The following FARS2 variants were observed in gnomAD, a reference collection of about 807,000 sequenced individuals.
FARS2 encodes the protein phenylalanyl-tRNA synthetase 2, mitochondrial.
Under a neutral mutation model 46.4 loss-of-function variants are expected in FARS2, and 40 were observed. That is an observed-to-expected ratio of 0.86 (90% CI 0.67 to 1.12). The LOEUF is 1.12. Ranked by LOEUF, FARS2 falls within the 50% of genes most tolerant of loss-of-function variation. The pLI is 0.00. For synonymous variants in FARS2, 234 were observed against 214.9 expected, an observed-to-expected ratio of 1.09 and a Z score of -0.78; for missense variants, 513 against 567.9, an observed-to-expected ratio of 0.90 and a Z score of 0.98.
At chr6:5,680,206 G>A (rs531919924) in intron 6 of FARS2, among the ~76,000 whole-genome samples, 9 of 152,192 alleles carry the variant, frequency 5.9e-5, no homozygotes, top group East Asian at 1.9e-4. Flanking sequence ...GTGCTTGGAC[G>A]TTGTGTGAAT....
chr6:5,379,160 C>T (rs745348865), intron 2 of FARS2, among the ~76,000 whole-genome samples: 10 of 152,152 alleles, frequency 6.6e-5, no homozygotes, highest in Non-Finnish European at 1.0e-4. Context: ...GGGTGCCACT[C>T]TATCTCTTTT....
At chr6:5,707,765 C>T (rs1235083827) in intron 6 of FARS2, among the ~76,000 whole-genome samples, 1 of 152,220 alleles carries the variant, frequency 6.6e-6, no homozygotes, top group Non-Finnish European at 1.5e-5. Context: ...ACGTGTCCAT[C>T]CCCGGCGCAC....
intron 6 of FARS2, among the ~76,000 whole-genome samples, chr6:5,660,778 TA>T: frequency 6.6e-6 from 1 of 151,940 alleles, no homozygotes; most frequent in Non-Finnish European, 1.5e-5. Context: ...AAAAGAAATC[TA>T]TGGATCAGAG....
intron 4 of FARS2, among the ~76,000 whole-genome samples, chr6:5,515,068 G>A (rs576948353): frequency 1.3e-5 from 2 of 152,094 alleles, no homozygotes; most frequent in Admixed American, 6.5e-5. Flanking sequence ...AAGCCTTCAA[G>A]CGAAACTCCA....
At chr6:5,513,627 T>C (rs952132200) in intron 4 of FARS2, among the ~76,000 whole-genome samples, 3 of 152,234 alleles carry the variant, frequency 2.0e-5, no homozygotes, top group African/African-American at 7.2e-5. Context: ...CCTTGTGGCC[T>C]TCTGTTCCTG....
At chr6:5,434,942 A>T (rs907072485) in intron 4 of FARS2, among the ~76,000 whole-genome samples, 1 of 152,230 alleles carries the variant, frequency 6.6e-6, no homozygotes, top group Admixed American at 6.5e-5. Flanking sequence ...ATAGTGGCAG[A>T]CATCAGTTGA....
At position 5,432,322 on chromosome 6, in the gene FARS2, AAAAAAAT is replaced by A. The variant is rs1311163703; in HGVS notation, c.904+1152_904+1158del. Among the ~76,000 whole-genome samples the A allele has an allele frequency of 8.5e-3, 337 of 39,532 alleles. 1 individual carries two copies. Among genetic ancestry groups the A allele is most frequent in the African/African-American group, 0.022 (327 of 14,622 alleles). 25.9% of individuals were successfully genotyped at this position (39,532 alleles called of 152,430 possible). ...AGAGCAACACTCAGTCTTAAAAAAAAAAAAAATATATATATATATATATATATATTAT... is the reference window on the plus strand; with the variant it reads ...AGAGCAACACTCAGTCTTAAAAAAAAATATATATATATATATATATATTAT... On this transcript the variant is annotated intron_variant, in intron 4 of 6. Transcript: ENST00000274680.
intron 6 of FARS2, among the ~76,000 whole-genome samples, chr6:5,711,338 C>A (rs1013475146): frequency 2.0e-5 from 3 of 152,236 alleles, no homozygotes; most frequent in Non-Finnish European, 2.9e-5. Context: ...ATCTCCCATG[C>A]ACAGGAATTC....
At chr6:5,679,232 G>A (rs747003394) in intron 6 of FARS2, among the ~76,000 whole-genome samples, 1 of 152,148 alleles carries the variant, frequency 6.6e-6, no homozygotes, top group Non-Finnish European at 1.5e-5. Flanking sequence ...CTTTCTAGGG[G>A]TGATACCCTC....
At chr6:5,475,156 T>C (rs1766047976) in intron 4 of FARS2, among the ~76,000 whole-genome samples, 1 of 152,198 alleles carries the variant, frequency 6.6e-6, no homozygotes, top group Non-Finnish European at 1.5e-5. Context: ...CCGTGGGTAC[T>C]GGGGAAGGTT....
At chr6:5,632,641 C>T (rs939292992) in intron 6 of FARS2, among the ~76,000 whole-genome samples, 8 of 136,800 alleles carry the variant, frequency 5.8e-5, no homozygotes, top group Middle Eastern at 3.7e-3. Flanking sequence ...CTCCCTTCTT[C>T]CTTCCTTCCT....
At chr6:5,759,969 T>G (rs1185240796) in intron 6 of FARS2, among the ~76,000 whole-genome samples, 2 of 152,206 alleles carry the variant, frequency 1.3e-5, no homozygotes, top group Admixed American at 6.5e-5. Flanking sequence ...CCTAGAATAT[T>G]GTAGACGGAG....
chr6:5,596,626 A>T (rs1391091582), intron 5 of FARS2, among the ~76,000 whole-genome samples: 1 of 152,224 alleles, frequency 6.6e-6, no homozygotes, highest in Admixed American at 6.5e-5. Context: ...TTGATGGAAC[A>T]CTAAAAAGCT....
At chr6:5,762,331 C>A (rs889461172) in intron 6 of FARS2, among the ~76,000 whole-genome samples, 1 of 152,210 alleles carries the variant, frequency 6.6e-6, no homozygotes, top group African/African-American at 2.4e-5. Context: ...AAATTAAGAA[C>A]TAGCCCAAGA....
intron 1 of FARS2, among the ~76,000 whole-genome samples, chr6:5,323,210 C>T (rs1770109680): frequency 6.6e-6 from 1 of 152,048 alleles, no homozygotes; most frequent in Non-Finnish European, 1.5e-5. Flanking sequence ...TTAAAAGATG[C>T]AAAGATTCTA....
intron 6 of FARS2, among the ~76,000 whole-genome samples, chr6:5,614,066 G>A (rs35251058): frequency 1.3e-5 from 2 of 152,164 alleles, no homozygotes; most frequent in South Asian, 4.1e-4. Flanking sequence ...GCTGTGTAAA[G>A]TGATGATTGT....
intron 5 of FARS2, among the ~76,000 whole-genome samples, chr6:5,554,509 T>A (rs1771543031): frequency 6.6e-6 from 1 of 152,190 alleles, no homozygotes; most frequent in South Asian, 2.1e-4. Flanking sequence ...CTGCATGATA[T>A]GAGGCCTGGG....
At chr6:5,733,611 T>G (rs1760780579) in intron 6 of FARS2, among the ~76,000 whole-genome samples, 1 of 152,230 alleles carries the variant, frequency 6.6e-6, no homozygotes, top group Non-Finnish European at 1.5e-5. Context: ...GACTCTCCAG[T>G]CTTTAACTGC....
At chr6:5,461,788 T>C (rs1765258251) in intron 4 of FARS2, among the ~76,000 whole-genome samples, 1 of 152,262 alleles carries the variant, frequency 6.6e-6, no homozygotes, top group Non-Finnish European at 1.5e-5. Context: ...TATTGTTGAA[T>C]AGTATTGTAC....
Sources: gnomAD v4.1 joint callset for allele counts (sites outside exome capture counted in the v4.1 genomes callset) on GRCh38, gnomAD v4.1.1 for gene constraint, MANE v1.5 for transcripts, NCBI Gene and HGNC (gene_info 2026-07-23, HGNC 2026-07-21) for gene names.